Variants in KISS1 observed in about 807,000 individuals in gnomAD.
KISS1 encodes KiSS-1 metastasis suppressor, also known as metastasis-suppressor KiSS-1.
For synonymous variants in KISS1, 97 were observed against 88.7 expected, an observed-to-expected ratio of 1.09 and a Z score of -0.52; for missense variants, 182 against 182.7, an observed-to-expected ratio of 1.00 and a Z score of 0.02.
chr1:204,195,808 T>G (rs1219129901), intron 1 of KISS1, among the ~76,000 whole-genome samples: 1 of 151,796 alleles, frequency 6.6e-6, no homozygotes, highest in African/African-American at 2.4e-5. Context: ...AAATGAATTA[T>G]TTGGAAAGGG....
chr1:204,190,604 G>C lies in KISS1; in HGVS notation c.297C>G (p.Gly99=). 2.5e-6 allele frequency: 4 copies of C among 1,591,984 alleles called. No homozygotes were observed. The highest frequency in any genetic ancestry group is 3.4e-6 in the Non-Finnish European group (4 of 1,169,578). Residue 99 remains glycine, a synonymous_variant, in exon 3 of 3, where the codon GGC becomes GGG. Transcript: ENST00000367194. ...CCTTCTCCCGCTGCACCAGCACCGCGCCCTGGGGTGCGGGGATCTGGCGGC... is the reference window on the plus strand; with the variant it reads ...CCTTCTCCCGCTGCACCAGCACCGCCCCCTGGGGTGCGGGGATCTGGCGGC... The part of the protein sequence containing the change: ...PHSRQIPAPQ[G]AVLVQREKDL...
chr1:204,192,034 T>C lies in KISS1; in HGVS notation c.103+740A>G, dbSNP rs1392240179. On this transcript the variant is annotated intron_variant, in intron 2 of 2. Transcript: ENST00000367194. This position sits in a 1 kb window ranked among gnomAD's most constrained non-coding sequence, Gnocchi z 4.2. ...TGTGCTCTGGAAGGTCTTATGGGCATATACGATGACATCAAATGTGTAGAG... is the reference window on the plus strand; with the variant it reads ...TGTGCTCTGGAAGGTCTTATGGGCACATACGATGACATCAAATGTGTAGAG... Among the ~76,000 whole-genome samples the C allele has an allele frequency of 6.6e-6, 1 of 152,192 alleles. No homozygotes were observed. Among genetic ancestry groups the C allele is most frequent in the Non-Finnish European group, 1.5e-5 (1 of 68,034 alleles).
At chr1:204,195,717 A>T (rs113200026) in intron 1 of KISS1, among the ~76,000 whole-genome samples, 115 of 5,960 alleles carry the variant, frequency 0.019, 1 homozygote, top group South Asian at 0.12. Context: ...CACACATATC[A>T]CACACACACA....
rs1011530847 is a variant in KISS1, at chr1:204,190,942, C to T, written c.104-145G>A. The stretch of plus-strand genomic sequence containing the variant: ...AGTGCCATGCGAACCAGCACGATCA[C>T]CTTAGCTGGGATGATTAGGCCCTAG... On this transcript the variant is annotated intron_variant, in intron 2 of 2. Coordinates refer to ENST00000367194, the MANE Select transcript of KISS1 (RefSeq NM_002256.4). The T allele has an allele frequency of 6.0e-6, 4 of 667,594 alleles. No homozygotes were observed. The Admixed American group carries it at 8.7e-5, about 15-fold the overall frequency. 41.4% of individuals were successfully genotyped at this position (667,594 alleles called of 1,614,324 possible).
chr1:204,190,431 C>CCCATGCTCT lies in KISS1; in HGVS notation c.*52_*53insAGAGCATGG. 1 of 1,130,810 alleles carries CCCATGCTCT rather than the reference C, an allele frequency of 8.8e-7. No individual in the cohort carries two copies. The highest frequency in any genetic ancestry group is 1.3e-6 in the Non-Finnish European group (1 of 780,998). 70.0% of individuals were successfully genotyped at this position (1,130,810 alleles called of 1,614,324 possible). A position where few individuals can be genotyped will look rare whatever the true frequency, so the allele number is the denominator to read the frequency against. On this transcript the variant is annotated 3_prime_UTR_variant, in exon 3 of 3. Transcript: ENST00000367194. ...ACGTCCCCGCCCCCCGCCCCCGCCC[C>CCCATGCTCT]GCATGCTCTGACTCCTTTGGGGTCT...
Position 204,196,381 on chromosome 1 carries a change from C to T in KISS1, c.-44G>A, listed in dbSNP as rs1191278557. On this transcript the variant is annotated 5_prime_UTR_variant, in exon 1 of 3. Transcript: ENST00000367194. ...GGACACTGCAGTGTGCCTACCTTGC[C>T]TCAGTCCTGGCCTGGGCAGGAGTCT... 6.6e-6 allele frequency: 1 copy of T among 152,402 alleles called. No homozygotes were observed. The highest frequency in any genetic ancestry group is 2.4e-5 in the African/African-American group (1 of 41,466). The allele number at this position is 152,402 out of a possible 1,614,324, so 9.4% of individuals were successfully genotyped here.
chr1:204,193,665 G>A (rs1489873160), intron 1 of KISS1, among the ~76,000 whole-genome samples: 1 of 152,074 alleles, frequency 6.6e-6, no homozygotes, highest in African/African-American at 2.4e-5. Context: ...TATCAGGTCA[G>A]TTATCTCCAT....
At chr1:204,195,045 T>G (rs2102330321) in intron 1 of KISS1, among the ~76,000 whole-genome samples, 1 of 151,804 alleles carries the variant, frequency 6.6e-6, no homozygotes, top group African/African-American at 2.4e-5. Flanking sequence ...TACTCTTTCT[T>G]CCGGCTCCCC....
At position 204,190,609 on chromosome 1, in the gene KISS1, G is replaced by T; in HGVS notation, c.292C>A (p.Gln98Lys). 1 of 1,590,864 alleles carries T rather than the reference G, an allele frequency of 6.3e-7. No homozygotes were observed. Among genetic ancestry groups the T allele is most frequent in the South Asian group, 1.1e-5 (1 of 88,104 alleles). ...TCCCGCTGCACCAGCACCGCGCCCT[G>T]GGGTGCGGGGATCTGGCGGCTGTGG... The part of the protein sequence containing the change: ...APHSRQIPAP[Q>K]GAVLVQREKD... The change falls in exon 3 of 3, where the codon CAG becomes AAG. Residue 98 changes from glutamine (Q) to lysine (K), a missense_variant. Coordinates refer to ENST00000367194, the MANE Select transcript of KISS1 (RefSeq NM_002256.4).
rs200878552 is a variant in KISS1 at position 204,195,896 on chromosome 1, GA to G, written c.-39+479del. ...GGGGGTTTGTATCCAGTGAGTGACAGAAATTCCAGGCATGGTTGGAAAGCTT... is the reference window on the plus strand; with the variant it reads ...GGGGGTTTGTATCCAGTGAGTGACAGAATTCCAGGCATGGTTGGAAAGCTT... On this transcript the variant is annotated intron_variant, in intron 1 of 2. Coordinates refer to ENST00000367194, the MANE Select transcript of KISS1 (RefSeq NM_002256.4). Among the ~76,000 whole-genome samples the G allele has an allele frequency of 5.3e-3, 812 of 152,336 alleles. 12 individuals carry two copies. Among genetic ancestry groups the G allele is most frequent in the African/African-American group, 0.019 (773 of 41,568 alleles).
intron 1 of KISS1, among the ~76,000 whole-genome samples, chr1:204,195,501 CATACACCACACAT>C (rs1274178703): frequency 6.6e-6 from 1 of 150,460 alleles, no homozygotes; most frequent in African/African-American, 2.5e-5. Flanking sequence ...CATACACACA[CATACACCACACAT>C]ACCACACATG....
chr1:204,192,832 G>A lies in KISS1; in HGVS notation c.45C>T (p.Ala15=). Residue 15 remains alanine (A), a synonymous_variant, in exon 2 of 3, where the codon GCC becomes GCT. Coordinates refer to ENST00000367194, the MANE Select transcript of KISS1 (RefSeq NM_002256.4). The surrounding 1 kb of genome is among the most constrained non-coding windows in gnomAD (Gnocchi z 4.2). The part of the protein sequence containing the change: ...VSWQLLLFLC[A]THFGEPLEKV... Reference sequence around the variant, plus strand: ...TTTCTAATGGCTCCCCAAAGTGGGTGGCACAGAGGAAAAGCAGTAGCTGCC... The same window carrying A: ...TTTCTAATGGCTCCCCAAAGTGGGTAGCACAGAGGAAAAGCAGTAGCTGCC... 6.3e-7 allele frequency: 1 copy of A among 1,598,980 alleles called. No homozygotes were observed.
Position 204,190,346 on chromosome 1 carries a change from T to TA in KISS1, c.*137dup, listed in dbSNP as rs1462564547. 1.1e-6 allele frequency: 1 copy of TA among 917,300 alleles called. No homozygotes were observed. The highest frequency in any genetic ancestry group is 2.0e-5 in the Admixed American group (1 of 49,910). The allele number at this position is 917,300 out of a possible 1,614,324, so 56.8% of individuals were successfully genotyped here. A position where few individuals can be genotyped will look rare whatever the true frequency, so the allele number is the denominator to read the frequency against. On this transcript the variant is annotated 3_prime_UTR_variant, in exon 3 of 3. Coordinates refer to ENST00000367194, the MANE Select transcript of KISS1 (RefSeq NM_002256.4). ...AGCCGCAGACCACACGTCAGTGAGT[T>TA]ACGCAACATTTCTTTTATTGCCTCG... is the stretch of plus-strand genomic sequence containing the variant.
chr1:204,190,459 A>G lies in KISS1; in HGVS notation c.*25T>C. Reference sequence around the variant, plus strand: ...ATGCTCTGACTCCTTTGGGGTCTGAAGTTCACTGCCCCGCACCTGCGCCCT... The same window carrying G: ...ATGCTCTGACTCCTTTGGGGTCTGAGGTTCACTGCCCCGCACCTGCGCCCT... On this transcript the variant is annotated 3_prime_UTR_variant, in exon 3 of 3. Coordinates refer to ENST00000367194, the MANE Select transcript of KISS1 (RefSeq NM_002256.4). The G allele has an allele frequency of 6.9e-7, 1 of 1,446,994 alleles. No individual in the cohort carries two copies. Among genetic ancestry groups the G allele is most frequent in the South Asian group, 1.2e-5 (1 of 84,760 alleles). 89.6% of individuals were successfully genotyped at this position (1,446,994 alleles called of 1,614,324 possible). A position where few individuals can be genotyped will look rare whatever the true frequency, so the allele number is the denominator to read the frequency against.
At chr1:204,191,585 T>C (rs952138716) in intron 2 of KISS1, among the ~76,000 whole-genome samples, 1 of 152,218 alleles carries the variant, frequency 6.6e-6, no homozygotes, top group Non-Finnish European at 1.5e-5. Context: ...CCCCAGCCCA[T>C]TGCGGCAAGA....
At chr1:204,195,350 C>T (rs1332091391) in intron 1 of KISS1, among the ~76,000 whole-genome samples, 108 of 136,764 alleles carry the variant, frequency 7.9e-4, no homozygotes, top group Non-Finnish European at 1.5e-3. Flanking sequence ...GCATACACAC[C>T]ACACACATAT....
At chr1:204,195,875 G>C (rs1026118359) in intron 1 of KISS1, among the ~76,000 whole-genome samples, 10 of 152,182 alleles carry the variant, frequency 6.6e-5, no homozygotes, top group Admixed American at 2.6e-4. Flanking sequence ...ACCCTGGGGG[G>C]TTTGTATCCA....
chr1:204,191,905 G>A (rs1433826969), intron 2 of KISS1, among the ~76,000 whole-genome samples: 2 of 152,140 alleles, frequency 1.3e-5, no homozygotes, highest in Admixed American at 1.3e-4. Flanking sequence ...TATATCCCTG[G>A]GCAGTGTGGG....
chr1:204,193,315 T>A lies in KISS1; in HGVS notation c.-38-401A>T, dbSNP rs75399271. On this transcript the variant is annotated intron_variant, in intron 1 of 2. Coordinates refer to ENST00000367194, the MANE Select transcript of KISS1 (RefSeq NM_002256.4). ...GTGAGATGCCATATATAGGAGTGAC[T>A]GGGGAGGGGTGAAGTAGGGCAAGGA... Among the ~76,000 whole-genome samples, 1,041 of 152,092 alleles carry A rather than the reference T, an allele frequency of 6.8e-3. 10 individuals carry two copies. The highest frequency in any genetic ancestry group is 0.011 in the Non-Finnish European group (766 of 67,966).
Sources: allele counts gnomAD v4.1 joint callset (sites outside exome capture counted in the v4.1 genomes callset), GRCh38; gene constraint gnomAD v4.1.1; non-coding constraint Gnocchi (gnomAD v3.1); transcripts MANE v1.5; gene names NCBI Gene and HGNC (gene_info 2026-07-23, HGNC 2026-07-21).